SERTM1: variants seen among roughly 807,000 people sequenced by gnomAD.
SERTM1 encodes serine-rich and transmembrane domain-containing protein 1.
In SERTM1, 1 loss-of-function variant was observed where a neutral mutation model predicts 5.5. The ratio of observed to expected loss-of-function variants is 0.18; its 90% CI spans 0.06 to 0.86. The LOEUF is 0.86. Among genes scored for constraint, SERTM1 ranks in the 40% least tolerant of loss-of-function variants. The pLI is 0.69. For missense variants in SERTM1, 91 were observed against 122.4 expected, an observed-to-expected ratio of 0.74 and a Z score of 1.21; for synonymous variants, 52 against 55.1, an observed-to-expected ratio of 0.94 and a Z score of 0.25.
chr13:36,692,645 C>A (rs1488731552), intron 1 of SERTM1, among the ~76,000 whole-genome samples: 1 of 152,202 alleles, frequency 6.6e-6, no homozygotes, highest in African/African-American at 2.4e-5. Flanking sequence ...AATGTTATCA[C>A]ATCTTAACTC....
chr13:36,681,581 A>G (rs942906441), intron 1 of SERTM1, among the ~76,000 whole-genome samples: 13 of 152,174 alleles, frequency 8.5e-5, no homozygotes, highest in African/African-American at 2.4e-4. Flanking sequence ...AGTGAATTAT[A>G]ATAAGCTTCC....
At position 36,697,539 on chromosome 13, in the gene SERTM1, G is replaced by T. The variant is rs2056824492; in HGVS notation, c.*2137G>T. On this transcript the variant is annotated 3_prime_UTR_variant, in exon 2 of 2. Transcript: ENST00000315190. ...CAATCTGAGTATGATCTGTCCTCAG[G>T]GTATCTTTATATCCTTTCCATGTGA... 1 of 166,298 alleles carries T rather than the reference G, an allele frequency of 6.0e-6. No homozygotes were observed. The highest frequency in any genetic ancestry group is 1.5e-5 in the Non-Finnish European group (1 of 67,980). 10.3% of individuals were successfully genotyped at this position (166,298 alleles called of 1,614,324 possible).
At chr13:36,692,759 T>C (rs1423048659) in intron 1 of SERTM1, among the ~76,000 whole-genome samples, 1 of 152,208 alleles carries the variant, frequency 6.6e-6, no homozygotes, top group Non-Finnish European at 1.5e-5. Context: ...AAGTGGCAGA[T>C]AGGAACTAAT....
chr13:36,694,268 G>A (rs1259379529), intron 1 of SERTM1, among the ~76,000 whole-genome samples: 4 of 152,114 alleles, frequency 2.6e-5, no homozygotes, highest in South Asian at 2.1e-4. Flanking sequence ...TCTACCATTC[G>A]GAGAGAATCT....
At chr13:36,687,996 G>A (rs918791298) in intron 1 of SERTM1, among the ~76,000 whole-genome samples, 2 of 151,882 alleles carry the variant, frequency 1.3e-5, no homozygotes, top group Non-Finnish European at 2.9e-5. Flanking sequence ...TATTCCCAGG[G>A]GTTTGTGACA....
chr13:36,681,118 G>C (rs918859368), intron 1 of SERTM1, among the ~76,000 whole-genome samples: 1 of 152,142 alleles, frequency 6.6e-6, no homozygotes, highest in Non-Finnish European at 1.5e-5. Flanking sequence ...TATGATCTGC[G>C]TCAAGTACTA....
chr13:36,688,730 C>CT (rs969982027), intron 1 of SERTM1, among the ~76,000 whole-genome samples: 2 of 151,998 alleles, frequency 1.3e-5, no homozygotes, highest in African/African-American at 2.4e-5. Flanking sequence ...AAAAGCCAAT[C>CT]TTTTTTTTAC....
chr13:36,676,279 A>G (rs997217916), intron 1 of SERTM1, among the ~76,000 whole-genome samples: 9 of 151,956 alleles, frequency 5.9e-5, no homozygotes, highest in Non-Finnish European at 1.3e-4. Context: ...CATTATAAAA[A>G]AGAAAGACTA....
At chr13:36,674,543 T>C (rs1304981673) in intron 1 of SERTM1, among the ~76,000 whole-genome samples, 1 of 152,148 alleles carries the variant, frequency 6.6e-6, no homozygotes, top group East Asian at 1.9e-4. Flanking sequence ...ACCCTCGCTC[T>C]GCAAGGTGGA....
At chr13:36,680,855 G>A (rs1048441673) in intron 1 of SERTM1, among the ~76,000 whole-genome samples, 2 of 152,114 alleles carry the variant, frequency 1.3e-5, no homozygotes, top group African/African-American at 2.4e-5. Flanking sequence ...CGGTTCAAGC[G>A]ATTCTCCTGT....
At chr13:36,679,636 ACTTC>A (rs2056691131) in intron 1 of SERTM1, among the ~76,000 whole-genome samples, 1 of 152,040 alleles carries the variant, frequency 6.6e-6, no homozygotes, top group Admixed American at 6.6e-5. Context: ...TGAACTCCTG[ACTTC>A]AAGTGGTCCA....
rs1454704810 is a variant in SERTM1, at chr13:36,695,842, T to C, written c.*440T>C. The C allele has an allele frequency of 5.8e-6, 1 of 171,368 alleles. No individual in the cohort carries two copies. Among genetic ancestry groups the C allele is most frequent in the Admixed American group, 6.5e-5 (1 of 15,468 alleles). 10.6% of individuals were successfully genotyped at this position (171,368 alleles called of 1,614,324 possible). A position where few individuals can be genotyped will look rare whatever the true frequency, so the allele number is the denominator to read the frequency against. On this transcript the variant is annotated 3_prime_UTR_variant, in exon 2 of 2. Transcript: ENST00000315190. The stretch of plus-strand genomic sequence containing the variant: ...GAAGTTATTTTCCATATTTAAAAGA[T>C]AAAGTGGAGACACCAAACTTAAAAA...
chr13:36,680,808 A>G (rs1370851766), intron 1 of SERTM1, among the ~76,000 whole-genome samples: 1 of 152,130 alleles, frequency 6.6e-6, no homozygotes, highest in Non-Finnish European at 1.5e-5. Context: ...GCTGGAGTGC[A>G]GTGGTGCGAT....
intron 1 of SERTM1, among the ~76,000 whole-genome samples, chr13:36,682,463 A>G (rs976107356): frequency 1.3e-5 from 2 of 152,244 alleles, no homozygotes; most frequent in Non-Finnish European, 2.9e-5. Flanking sequence ...GCATAGAGAA[A>G]GTAGGTAGGG....
intron 1 of SERTM1, among the ~76,000 whole-genome samples, chr13:36,677,319 A>G (rs953285423): frequency 2.0e-5 from 3 of 152,226 alleles, no homozygotes; most frequent in African/African-American, 7.2e-5. Context: ...TCCAGCCAAA[A>G]CAGTGCCAAT....
chr13:36,678,450 C>T (rs1310080073), intron 1 of SERTM1, among the ~76,000 whole-genome samples: 2 of 150,712 alleles, frequency 1.3e-5, no homozygotes, highest in Non-Finnish European at 3.0e-5. Flanking sequence ...AGCATCTTTT[C>T]ATGTTAGAAA....
At chr13:36,676,413 C>T (rs970248850) in intron 1 of SERTM1, among the ~76,000 whole-genome samples, 1 of 151,330 alleles carries the variant, frequency 6.6e-6, no homozygotes. Flanking sequence ...TTGGGGGGTC[C>T]TTTTTTTGTT....
rs895590584 is a variant in SERTM1 at position 36,674,443 on chromosome 13, G to T, written c.-174+259G>T. Among the ~76,000 whole-genome samples the T allele has an allele frequency of 3.9e-5, 6 of 152,138 alleles. No homozygotes were observed. The East Asian group carries it at 1.2e-3, about 30-fold the overall frequency. ...GAGTCTTGGGGTGACTCCACGGGCTGCAGGAGGAGCCGCGAGGGGCCCTGA... is the reference window on the plus strand; with the variant it reads ...GAGTCTTGGGGTGACTCCACGGGCTTCAGGAGGAGCCGCGAGGGGCCCTGA... On this transcript the variant is annotated intron_variant, in intron 1 of 1. Coordinates refer to ENST00000315190, the MANE Select transcript of SERTM1 (RefSeq NM_203451.3).
At chr13:36,680,944 A>G (rs1309449747) in intron 1 of SERTM1, among the ~76,000 whole-genome samples, 2 of 152,168 alleles carry the variant, frequency 1.3e-5, no homozygotes, top group Non-Finnish European at 2.9e-5. Context: ...AGTACCTGCT[A>G]TATATTTGCA....
Sources: gnomAD v4.1 joint callset for allele counts (sites outside exome capture counted in the v4.1 genomes callset) on GRCh38, gnomAD v4.1.1 for gene constraint, MANE v1.5 for transcripts, NCBI Gene and HGNC (gene_info 2026-07-23, HGNC 2026-07-21) for gene names.